The following SLCO2A1 variants were observed in gnomAD, a reference collection of about 807,000 sequenced individuals.
SLCO2A1 encodes the protein solute carrier organic anion transporter family member 2A1, also known as matrin F/G 1.
Under a neutral mutation model 71.7 loss-of-function variants are expected in SLCO2A1, and 60 were observed. The ratio of observed to expected loss-of-function variants is 0.84; its 90% CI spans 0.68 to 1.04. SLCO2A1 has a LOEUF of 1.04. SLCO2A1 is among the 50% of genes least tolerant of loss of function. The pLI, the probability that SLCO2A1 is intolerant of heterozygous loss-of-function variation, is 0.00. For missense variants in SLCO2A1, 745 were observed against 813.4 expected, an observed-to-expected ratio of 0.92 and a Z score of 1.02; for synonymous variants, 308 against 326.7, an observed-to-expected ratio of 0.94 and a Z score of 0.62.
At chr3:133,953,856 T>A in intron 4 of SLCO2A1, 95 bp from the exon 5 acceptor site, 1 of 900,292 alleles carries the variant, frequency 1.1e-6, no homozygotes, top group Non-Finnish European at 1.8e-6. Flanking sequence ...GAGATATCAC[T>A]TCATCTGTTC....
intron 1 of SLCO2A1, among the ~76,000 whole-genome samples, chr3:133,995,901 A>G (rs1368570500): frequency 1.3e-5 from 2 of 152,124 alleles, no homozygotes; most frequent in African/African-American, 4.8e-5. Flanking sequence ...TATTGTATCC[A>G]TTTATCTCCC....
chr3:133,944,994 G>A, intron 10 of SLCO2A1, 101 bp downstream of exon 10: 5 of 1,354,840 alleles, frequency 3.7e-6, no homozygotes, highest in Non-Finnish European at 5.1e-6. Flanking sequence ...TGTGTGTGGA[G>A]CCCTGCCTAT....
intron 2 of SLCO2A1, among the ~76,000 whole-genome samples, chr3:133,978,084 G>T (rs555132221): frequency 1.3e-5 from 2 of 152,314 alleles, no homozygotes; most frequent in African/African-American, 4.8e-5. Context: ...GTGTATATGT[G>T]CATGCATGTC....
At chr3:134,000,364 A>G (rs1935083008) in intron 1 of SLCO2A1, among the ~76,000 whole-genome samples, 1 of 151,932 alleles carries the variant, frequency 6.6e-6, no homozygotes, top group South Asian at 2.1e-4. Flanking sequence ...GGGGTCAGGG[A>G]GGTAGGGATG....
chr3:133,991,065 G>T (rs565436061), intron 1 of SLCO2A1, among the ~76,000 whole-genome samples: 1 of 151,986 alleles, frequency 6.6e-6, no homozygotes, highest in Non-Finnish European at 1.5e-5. Flanking sequence ...AGCCAAGATC[G>T]CACCACAGCA....
intron 3 of SLCO2A1, among the ~76,000 whole-genome samples, chr3:133,956,573 G>C (rs866217572): frequency 1.3e-5 from 2 of 152,196 alleles, no homozygotes; most frequent in Non-Finnish European, 2.9e-5. Flanking sequence ...AAGCATCCTG[G>C]CAAGCAGCCA....
chr3:133,955,412 G>C (rs1559934597), intron 3 of SLCO2A1: 1 of 562,674 alleles, frequency 1.8e-6, no homozygotes, highest in Non-Finnish European at 3.1e-6. Flanking sequence ...TGGAATGTGG[G>C]CTCCCCGGCC....
chr3:133,958,161 C>T (rs1933940331), intron 3 of SLCO2A1, among the ~76,000 whole-genome samples: 1 of 152,216 alleles, frequency 6.6e-6, no homozygotes, highest in Non-Finnish European at 1.5e-5. Context: ...TGGCTGACTC[C>T]TGCAGATCCC....
intron 4 of SLCO2A1, 54 bp from the exon 5 acceptor site, chr3:133,953,815 G>C: frequency 6.9e-7 from 1 of 1,446,588 alleles, no homozygotes; most frequent in Non-Finnish European, 9.7e-7. Context: ...GAGTTTGGCA[G>C]CCTTGGGCTC....
At chr3:134,016,933 A>G (rs1935466774) in intron 1 of SLCO2A1, among the ~76,000 whole-genome samples, 3 of 152,222 alleles carry the variant, frequency 2.0e-5, no homozygotes, top group African/African-American at 7.2e-5. Context: ...AGCCAATCTC[A>G]AAAGGTCACA....
Position 133,979,590 on chromosome 3 carries a change from T to A in SLCO2A1, c.125A>T (p.Gln42Leu). The change falls in exon 2 of 14, where the codon CAG (glutamine) becomes CTG (leucine). Residue 42 changes from glutamine to leucine, a missense_variant. Coordinates refer to ENST00000310926, the MANE Select transcript of SLCO2A1 (RefSeq NM_005630.3). ...GGCGCTGTACAGGAGTTGGCAGAGC[T>A]GCAGGAGGCCTTGGCAGAGCACAAA... is the stretch of plus-strand genomic sequence containing the variant. ...KVFVLCQGLL[Q>L]LCQLLYSAYF... 1.9e-6 allele frequency: 3 copies of A among 1,613,802 alleles called. No homozygotes were observed. Among genetic ancestry groups the A allele is most frequent in the Non-Finnish European group, 1.7e-6 (2 of 1,179,840 alleles).
intron 3 of SLCO2A1, among the ~76,000 whole-genome samples, chr3:133,970,318 C>T (rs959785040): frequency 2.6e-5 from 4 of 152,068 alleles, no homozygotes; most frequent in Admixed American, 6.5e-5. Flanking sequence ...GAGGAGGTGG[C>T]TCGAGCCCAC....
chr3:133,991,565 T>C (rs911968826), intron 1 of SLCO2A1, among the ~76,000 whole-genome samples: 1 of 152,252 alleles, frequency 6.6e-6, no homozygotes, highest in Non-Finnish European at 1.5e-5. Flanking sequence ...CATTTTATTA[T>C]GAATTAGAAA....
chr3:133,988,051 C>T (rs1934756128), intron 1 of SLCO2A1, among the ~76,000 whole-genome samples: 2 of 152,164 alleles, frequency 1.3e-5, no homozygotes, highest in Admixed American at 6.5e-5. Context: ...CTAAGTATTC[C>T]CCCTCACTGC....
chr3:133,971,637 T>C (rs1934329416), intron 3 of SLCO2A1, among the ~76,000 whole-genome samples: 1 of 152,184 alleles, frequency 6.6e-6, no homozygotes, highest in South Asian at 2.1e-4. Flanking sequence ...ACATATCTGA[T>C]TGAAAAAATA....
chr3:133,951,147 C>T (rs760813438), intron 6 of SLCO2A1, 61 bp downstream of exon 6: 2 of 1,606,596 alleles, frequency 1.2e-6, no homozygotes, highest in Non-Finnish European at 1.7e-6. Flanking sequence ...TATTTATTTT[C>T]TACCCCCACA....
chr3:133,940,201 C>A (rs1284351931), intron 11 of SLCO2A1, among the ~76,000 whole-genome samples: 1 of 152,216 alleles, frequency 6.6e-6, no homozygotes, highest in Non-Finnish European at 1.5e-5. Context: ...CGCCTGACCT[C>A]AGGTGGTCCA....
intron 2 of SLCO2A1, among the ~76,000 whole-genome samples, chr3:133,975,222 C>A (rs1480271172): frequency 6.6e-6 from 1 of 152,226 alleles, no homozygotes; most frequent in African/African-American, 2.4e-5. Flanking sequence ...AACTCTCACT[C>A]TTCTTCCTTC....
chr3:133,968,083 C>A (rs909907689), intron 3 of SLCO2A1, among the ~76,000 whole-genome samples: 14 of 142,416 alleles, frequency 9.8e-5, no homozygotes, highest in Non-Finnish European at 2.1e-4. Context: ...TTCCCCTTCA[C>A]ATACACCCCA....
Sources: allele counts gnomAD v4.1 joint callset (sites outside exome capture counted in the v4.1 genomes callset), GRCh38; gene constraint gnomAD v4.1.1; transcripts MANE v1.5; gene names NCBI Gene and HGNC (gene_info 2026-07-23, HGNC 2026-07-21).